The following ABCB11 variants were observed in gnomAD, a reference collection of about 807,000 sequenced individuals.
ABCB11 encodes bile salt export pump.
Under a neutral mutation model 148.0 loss-of-function variants are expected in ABCB11, and 95 were observed. That is an observed-to-expected ratio of 0.64 (90% CI 0.54 to 0.76). The LOEUF (loss-of-function observed/expected upper bound fraction) is 0.76. Ranked by LOEUF, ABCB11 falls within the 30% of genes least tolerant of loss-of-function variation. The probability of loss-of-function intolerance (pLI) is 0.00; values close to 1 mark genes in which losing one functional copy is unlikely to be tolerated. For missense variants in ABCB11, 1,523 were observed against 1,617.8 expected (o/e 0.94, Z 1.01); for synonymous variants, 591 against 555.4 (o/e 1.06, Z -0.90).
intron 21 of ABCB11, among the ~76,000 whole-genome samples, chr2:168,938,554 T>G (rs1691927659): frequency 6.6e-6 from 1 of 152,086 alleles, no homozygotes; most frequent in Non-Finnish European, 1.5e-5. Flanking sequence ...GTTTCAAGGG[T>G]ACAGAATTTC....
intron 14 of ABCB11, 27 bp from the exon 15 acceptor site, chr2:168,970,242 A>T (rs1693523689): frequency 6.2e-7 from 1 of 1,601,572 alleles, no homozygotes; most frequent in Non-Finnish European, 8.5e-7. Flanking sequence ...ACCAGTCATG[A>T]AGGGAAAAGA....
Position 168,979,918 on chromosome 2 carries a change from G to C in ABCB11, c.1145C>G (p.Ala382Gly), listed in dbSNP as rs1370701870. Residue 382 changes from alanine to glycine, a missense_variant, in exon 11 of 28, where the codon GCC becomes GGC. By Grantham distance (60) the Ala-to-Gly change is moderately conservative. Coordinates refer to ENST00000650372, the MANE Select transcript of ABCB11 (RefSeq NM_003742.4). Reference sequence around the variant, plus strand: ...GGCTGCTGCACGTCCAGTTGCAAAGGCTTCCAAACAAGGAGAGGCATTGCC... The same window carrying C: ...GGCTGCTGCACGTCCAGTTGCAAAGCCTTCCAAACAAGGAGAGGCATTGCC... ...NLGNASPCLE[A>G]FATGRAAATS... The C allele has an allele frequency of 1.9e-6, 3 of 1,611,590 alleles. No homozygotes were observed. Among genetic ancestry groups the C allele is most frequent in the South Asian group, 2.2e-5 (2 of 91,052 alleles).
At chr2:168,979,361 C>G (rs1286953908) in intron 11 of ABCB11, among the ~76,000 whole-genome samples, 1 of 152,134 alleles carries the variant, frequency 6.6e-6, no homozygotes, top group African/African-American at 2.4e-5. Flanking sequence ...GCTACCTCCT[C>G]AGAGATACTG....
At chr2:168,937,342 G>A (rs992775915) in intron 21 of ABCB11, among the ~76,000 whole-genome samples, 9 of 152,180 alleles carry the variant, frequency 5.9e-5, no homozygotes, top group African/African-American at 2.2e-4. Context: ...TCAAGTCCCT[G>A]CTTTCAATTC....
At chr2:168,939,713 T>C (rs1467281387) in intron 21 of ABCB11, among the ~76,000 whole-genome samples, 1 of 152,098 alleles carries the variant, frequency 6.6e-6, no homozygotes, top group Non-Finnish European at 1.5e-5. Context: ...ATGATCTTTT[T>C]TGCATTTTTT....
Position 168,989,277 on chromosome 2 carries a change from A to ATTTGTTAT in ABCB11, c.908+1523_908+1524insATAACAAA, listed in dbSNP as rs1694433596. ...TTTTATATCCTACATTTAAAACTTT[A>ATTTGTTAT]ATCCATTTTGAGTTGATATTTGTGT... is the stretch of plus-strand genomic sequence containing the variant. On this transcript the variant is annotated intron_variant, in intron 9 of 27. Coordinates refer to ENST00000650372, the MANE Select transcript of ABCB11 (RefSeq NM_003742.4). Among the ~76,000 whole-genome samples the ATTTGTTAT allele has an allele frequency of 3.3e-5, 5 of 152,154 alleles. 1 individual carries two copies. The highest frequency in any genetic ancestry group is 1.2e-4 in the African/African-American group (5 of 41,446).
At chr2:168,973,918 C>T (rs1312729590) in intron 12 of ABCB11, 78 bp from the exon 13 acceptor site, 1 of 1,526,742 alleles carries the variant, frequency 6.5e-7, no homozygotes, top group African/African-American at 1.4e-5. Flanking sequence ...GGTGCAGATG[C>T]TTTGTGTTGA....
intron 12 of ABCB11, among the ~76,000 whole-genome samples, chr2:168,975,028 C>A (rs1245362621): frequency 7.0e-6 from 1 of 142,338 alleles, no homozygotes; most frequent in African/African-American, 2.6e-5. Flanking sequence ...TACCTACATA[C>A]TGATAATGTA....
chr2:168,924,612 A>G (rs1446049154), intron 27 of ABCB11, 45 bp downstream of exon 27: 6 of 1,579,920 alleles, frequency 3.8e-6, no homozygotes, highest in African/African-American at 1.4e-5. Context: ...TTACAGCAAA[A>G]GACTTATTTG....
intron 19 of ABCB11, among the ~76,000 whole-genome samples, chr2:168,950,450 T>C (rs564547298): frequency 1.3e-5 from 2 of 151,710 alleles, no homozygotes; most frequent in Non-Finnish European, 3.0e-5. Context: ...ACATCTGTTG[T>C]TTTTATACTT....
chr2:168,967,335 T>C (rs1693363079), intron 17 of ABCB11, among the ~76,000 whole-genome samples: 1 of 151,886 alleles, frequency 6.6e-6, no homozygotes, highest in Non-Finnish European at 1.5e-5. Context: ...TTTGTTTGAA[T>C]AAACTTGTTC....
intron 9 of ABCB11, among the ~76,000 whole-genome samples, chr2:168,987,412 A>G (rs1694363666): frequency 6.6e-6 from 1 of 152,124 alleles, no homozygotes; most frequent in South Asian, 2.1e-4. Flanking sequence ...CTCTAGAATA[A>G]TGCTCTATAA....
At chr2:169,006,221 G>A (rs1695014609) in intron 5 of ABCB11, among the ~76,000 whole-genome samples, 1 of 152,106 alleles carries the variant, frequency 6.6e-6, no homozygotes, top group Non-Finnish European at 1.5e-5. Context: ...TTTATTCCAG[G>A]AGTGCAAAGG....
downstream of ABCB11, among the ~76,000 whole-genome samples, chr2:168,916,828 T>G (rs72884870): frequency 0.016 from 2,376 of 152,342 alleles, 31 homozygotes; most frequent in Non-Finnish European, 0.025. Flanking sequence ...AACATCCTTT[T>G]GTGCCTTGAT....
chr2:169,029,356 C>G (rs1170129186), intron 1 of ABCB11, among the ~76,000 whole-genome samples: 1 of 151,646 alleles, frequency 6.6e-6, no homozygotes, highest in Non-Finnish European at 1.5e-5. Flanking sequence ...TTATTATCAG[C>G]TCAGCAAATG....
intron 17 of ABCB11, among the ~76,000 whole-genome samples, chr2:168,967,446 A>T (rs1369135539): frequency 6.6e-6 from 1 of 151,978 alleles, no homozygotes; most frequent in Non-Finnish European, 1.5e-5. Context: ...AAATAAATAC[A>T]CTACTTTTTG....
At position 168,993,879 on chromosome 2, in the gene ABCB11, A is replaced by G; in HGVS notation, c.615T>C (p.Asp205=). The G allele has an allele frequency of 6.2e-7, 1 of 1,605,212 alleles. No homozygotes were observed. The highest frequency in any genetic ancestry group is 1.1e-5 in the South Asian group (1 of 89,296). ...VGELNTRFSD[D]INKINDAIAD... ...CTATGGCATCATTGATTTTATTAATATCACTAGAAACCAGAAAGATTTTGG... is the reference window on the plus strand; with the variant it reads ...CTATGGCATCATTGATTTTATTAATGTCACTAGAAACCAGAAAGATTTTGG... The change falls in exon 8 of 28, where the codon GAT becomes GAC. Residue 205 remains aspartate (D), a synonymous_variant. Transcript: ENST00000650372.
chr2:168,959,446 G>T (rs1460123850), intron 18 of ABCB11, among the ~76,000 whole-genome samples: 1 of 151,614 alleles, frequency 6.6e-6, no homozygotes, highest in African/African-American at 2.4e-5. Flanking sequence ...GCCCAACGTG[G>T]CCACCCGTAA....
chr2:168,980,063 C>T (rs527831320), intron 10 of ABCB11, 84 bp from the exon 11 acceptor site: 48 of 732,750 alleles, frequency 6.6e-5, no homozygotes, highest in South Asian at 4.5e-4. Flanking sequence ...TCCATGTTAA[C>T]GCAGAGAGTT....
Sources: gnomAD v4.1 joint callset for allele counts (sites outside exome capture counted in the v4.1 genomes callset) on GRCh38, gnomAD v4.1.1 for gene constraint, MANE v1.5 for transcripts, NCBI Gene and HGNC (gene_info 2026-07-23, HGNC 2026-07-21) for gene names.